ST6GALNAC3: variants seen among roughly 807,000 people sequenced by gnomAD.
The protein encoded by ST6GALNAC3 is alpha-N-acetylgalactosaminide alpha-2,6-sialyltransferase 3.
ST6GALNAC3 carries 25 observed loss-of-function variants against 32.7 expected under a neutral mutation model. The observed-to-expected ratio is 0.76, with a 90% CI of 0.56 to 1.07. The LOEUF (loss-of-function observed/expected upper bound fraction) is 1.07. Among genes scored for constraint, ST6GALNAC3 ranks in the 50% least tolerant of loss-of-function variants. ST6GALNAC3 has a pLI of 0.00. For synonymous variants in ST6GALNAC3, 129 were observed against 133.1 expected (o/e 0.97, Z 0.21); for missense variants, 355 against 382.4 (o/e 0.93, Z 0.60).
intron 1 of ST6GALNAC3, among the ~76,000 whole-genome samples, chr1:76,133,447 G>A (rs968598885): frequency 2.0e-5 from 3 of 152,244 alleles, no homozygotes; most frequent in Admixed American, 1.3e-4. Flanking sequence ...TTTCCTGCTC[G>A]TCTTATATCT....
At chr1:76,129,610 G>A (rs558803098) in intron 1 of ST6GALNAC3, among the ~76,000 whole-genome samples, 1 of 152,156 alleles carries the variant, frequency 6.6e-6, no homozygotes, top group Non-Finnish European at 1.5e-5. Context: ...TGGTGTGAAT[G>A]TGGGAGGTGC....
rs539458694 is a variant in ST6GALNAC3, at chr1:76,492,141, T to C, written c.623+79724T>C. On this transcript the variant is annotated intron_variant, in intron 3 of 4. Coordinates refer to ENST00000328299, the MANE Select transcript of ST6GALNAC3 (RefSeq NM_152996.4). Reference sequence around the variant, plus strand: ...TGACTAGTTGGGTTTTCTCACTCCATGTCTTCACTCTTTCCCTGACTGAGT... The same window carrying C: ...TGACTAGTTGGGTTTTCTCACTCCACGTCTTCACTCTTTCCCTGACTGAGT... Among the ~76,000 whole-genome samples, 5 of 152,176 alleles carry C rather than the reference T, an allele frequency of 3.3e-5. No individual in the cohort carries two copies. In the South Asian group the frequency reaches 1.0e-3, roughly 32 times the overall value.
At chr1:76,419,621 CAT>C (rs980689892) in intron 3 of ST6GALNAC3, among the ~76,000 whole-genome samples, 1 of 152,032 alleles carries the variant, frequency 6.6e-6, no homozygotes, top group African/African-American at 2.4e-5. Flanking sequence ...GTCTTTAAAA[CAT>C]ATGAGCCAGC....
intron 3 of ST6GALNAC3, among the ~76,000 whole-genome samples, chr1:76,592,201 T>A (rs1396336052): frequency 1.3e-5 from 2 of 152,148 alleles, no homozygotes; most frequent in Non-Finnish European, 2.9e-5. Flanking sequence ...AGAAAAGACT[T>A]AAGCCAGAGA....
intron 3 of ST6GALNAC3, among the ~76,000 whole-genome samples, chr1:76,614,216 G>T (rs535810128): frequency 6.6e-6 from 1 of 152,302 alleles, no homozygotes; most frequent in African/African-American, 2.4e-5. Flanking sequence ...TTGCAAGTCA[G>T]CTGTGTATAA....
chr1:76,355,674 A>G (rs752548065), intron 2 of ST6GALNAC3, among the ~76,000 whole-genome samples: 1 of 152,222 alleles, frequency 6.6e-6, no homozygotes, highest in Non-Finnish European at 1.5e-5. Flanking sequence ...TTTAATACAT[A>G]TTTCATGATC....
intron 2 of ST6GALNAC3, among the ~76,000 whole-genome samples, chr1:76,387,929 A>G (rs1449833756): frequency 6.6e-6 from 1 of 152,150 alleles, no homozygotes; most frequent in Non-Finnish European, 1.5e-5. Flanking sequence ...AAAACAAAGT[A>G]GTAAACTAGC....
intron 1 of ST6GALNAC3, among the ~76,000 whole-genome samples, chr1:76,239,749 A>C (rs1656864381): frequency 6.6e-6 from 1 of 152,190 alleles, no homozygotes; most frequent in South Asian, 2.1e-4. Context: ...GGGGACAAAC[A>C]TCCAAACTAT....
chr1:76,171,622 A>G (rs1273858491), intron 1 of ST6GALNAC3, among the ~76,000 whole-genome samples: 1 of 152,132 alleles, frequency 6.6e-6, no homozygotes, highest in Non-Finnish European at 1.5e-5. Flanking sequence ...CACTGACCCC[A>G]CAGAAATACA....
chr1:76,265,510 AAGAAGC>A (rs1658477953), intron 1 of ST6GALNAC3, among the ~76,000 whole-genome samples: 2 of 152,164 alleles, frequency 1.3e-5, no homozygotes, highest in South Asian at 2.1e-4. Flanking sequence ...GATAGGCTGT[AAGAAGC>A]TTCGTACCCA....
At chr1:76,268,948 C>T (rs796626531) in intron 1 of ST6GALNAC3, among the ~76,000 whole-genome samples, 22 of 152,304 alleles carry the variant, frequency 1.4e-4, no homozygotes, top group African/African-American at 3.8e-4. Flanking sequence ...CTACACATTT[C>T]GGCACTTTAT....
rs1231958676 is a variant in ST6GALNAC3, at chr1:76,412,017, C to A, written c.223C>A (p.Leu75Met). Reference sequence around the variant, plus strand: ...TTTCTCTATTTTTCAGCCTTTGCAACTGGACTGTGACCTTTGTGCCATAGT... The same window carrying A: ...TTTCTCTATTTTTCAGCCTTTGCAAATGGACTGTGACCTTTGTGCCATAGT... ...INVKTQEPLQ[L>M]DCDLCAIVSN... The change falls in exon 3 of 5, where the codon CTG (leucine) becomes ATG (methionine). Residue 75 changes from leucine (L) to methionine (M), a missense_variant. Leu to Met is a conservative substitution (Grantham distance 15, BLOSUM62 2). Coordinates refer to ENST00000328299, the MANE Select transcript of ST6GALNAC3 (RefSeq NM_152996.4). 2 of 1,611,722 alleles carry A rather than the reference C, an allele frequency of 1.2e-6. No individual in the cohort carries two copies. The highest frequency in any genetic ancestry group is 2.2e-5 in the South Asian group (2 of 90,746).
intron 2 of ST6GALNAC3, among the ~76,000 whole-genome samples, chr1:76,397,696 C>A (rs1213901346): frequency 2.0e-5 from 3 of 152,002 alleles, no homozygotes; most frequent in Admixed American, 6.6e-5. Context: ...TTTCTTAGAG[C>A]ATTTGCATAT....
intron 1 of ST6GALNAC3, among the ~76,000 whole-genome samples, chr1:76,085,221 T>C (rs1224841054): frequency 6.6e-6 from 1 of 152,282 alleles, no homozygotes; most frequent in Non-Finnish European, 1.5e-5. Flanking sequence ...TCTGCTTTCA[T>C]GGCACAAAGG....
chr1:76,277,251 T>TGC (rs1221483813), intron 1 of ST6GALNAC3, among the ~76,000 whole-genome samples: 1 of 152,048 alleles, frequency 6.6e-6, no homozygotes, highest in Non-Finnish European at 1.5e-5. Context: ...TGTGTATGCC[T>TGC]ATGTGTGTGT....
intron 2 of ST6GALNAC3, among the ~76,000 whole-genome samples, chr1:76,389,909 A>T (rs1238402045): frequency 6.6e-6 from 1 of 152,070 alleles, no homozygotes; most frequent in African/African-American, 2.4e-5. Context: ...TTTTGGTACC[A>T]TTTACTAAGA....
chr1:76,184,106 T>C (rs1557679892), intron 1 of ST6GALNAC3, among the ~76,000 whole-genome samples: 1 of 152,044 alleles, frequency 6.6e-6, no homozygotes, highest in Non-Finnish European at 1.5e-5. Flanking sequence ...CTTATTTTAG[T>C]TCATTTCTAA....
chr1:76,254,694 G>T (rs758727758), intron 1 of ST6GALNAC3, among the ~76,000 whole-genome samples: 3 of 151,836 alleles, frequency 2.0e-5, no homozygotes, highest in African/African-American at 7.3e-5. Flanking sequence ...AAACTGTCTC[G>T]GATTATACAT....
At chr1:76,493,523 T>C (rs895221497) in intron 3 of ST6GALNAC3, among the ~76,000 whole-genome samples, 4 of 152,208 alleles carry the variant, frequency 2.6e-5, no homozygotes, top group African/African-American at 4.8e-5. Context: ...GATTGACCAT[T>C]TCTCAAATTT....
Sources: gnomAD v4.1 joint callset for allele counts (sites outside exome capture counted in the v4.1 genomes callset) on GRCh38, gnomAD v4.1.1 for gene constraint, MANE v1.5 for transcripts, NCBI Gene and HGNC (gene_info 2026-07-23, HGNC 2026-07-21) for gene names.